ANKRD24: variants seen among roughly 807,000 people sequenced by gnomAD.
ANKRD24 encodes the protein ankyrin repeat domain 24, also known as ankyrin repeat domain-containing protein 24.
ANKRD24 carries 109 observed loss-of-function variants against 127.8 expected under a neutral mutation model. The observed-to-expected ratio is 0.85, with a 90% CI of 0.73 to 1.00. ANKRD24 has a LOEUF of 1.00. ANKRD24 is among the 50% of genes least tolerant of loss of function. The pLI, the probability that ANKRD24 is intolerant of heterozygous loss-of-function variation, is 0.00. For missense variants in ANKRD24, 1,648 were observed against 1,570.2 expected (o/e 1.05, Z -0.84); for synonymous variants, 743 against 671.1 (o/e 1.11, Z -1.66).
chr19:4,190,148 T>C (rs1006884978), intron 2 of ANKRD24, among the ~76,000 whole-genome samples: 9 of 152,048 alleles, frequency 5.9e-5, no homozygotes, highest in Admixed American at 6.6e-5. Flanking sequence ...CAAAAATCCA[T>C]GTATAGGCTG....
At chr19:4,222,933 A>G in intron 20 of ANKRD24, 138 bp downstream of exon 20, 1 of 1,015,290 alleles carries the variant, frequency 9.8e-7, no homozygotes, top group Non-Finnish European at 1.3e-6. Context: ...CATGCACGGC[A>G]TGGCCAGGAA....
At chr19:4,193,850 A>AGGAAGGAAGGAAGGAAGGAG (rs758667487) in intron 2 of ANKRD24, among the ~76,000 whole-genome samples, 7 of 38,382 alleles carry the variant, frequency 1.8e-4, no homozygotes, top group African/African-American at 4.1e-4. Flanking sequence ...GGAGGGAGGA[A>AGGAAGGAAGGAAGGAAGGAG]GGAAGGAAGG....
At chr19:4,220,302 C>G (rs1209305456) in intron 19 of ANKRD24, among the ~76,000 whole-genome samples, 2 of 152,120 alleles carry the variant, frequency 1.3e-5, no homozygotes, top group African/African-American at 4.8e-5. Context: ...GTGCTTACTG[C>G]ATGCCAGGCC....
At position 4,216,604 on chromosome 19, in the gene ANKRD24, G is replaced by C. The variant is rs1422315943; in HGVS notation, c.1444G>C (p.Glu482Gln). 1.9e-6 allele frequency: 3 copies of C among 1,611,922 alleles called. No homozygotes were observed. In the Admixed American group the frequency reaches 5.0e-5, roughly 27 times the overall value. The change falls in exon 18 of 22, where the codon GAG (glutamate) becomes CAG (glutamine). Residue 482 changes from glutamate (E) to glutamine (Q), a missense_variant. By Grantham distance (29) the Glu-to-Gln change is conservative (BLOSUM62 2). Transcript: ENST00000318934. ...ACAGATGGAAGTGGAAGCTTTGGCA[G>C]AGGTCATCCCTCTTGCCCTCTATGA... Reference protein sequence around the residue: ...ETQMEVEALAEVIPLALYDSL... With the variant: ...ETQMEVEALAQVIPLALYDSL...
At chr19:4,184,948 G>A (rs528868504) in intron 1 of ANKRD24, among the ~76,000 whole-genome samples, 66 of 130,710 alleles carry the variant, frequency 5.0e-4, no homozygotes, top group African/African-American at 2.2e-3. Flanking sequence ...GGATGGACTG[G>A]TGGGTGGGTG....
chr19:4,210,020 G>C (rs67953324), intron 11 of ANKRD24, 38 bp from the exon 12 acceptor site: 2 of 1,337,942 alleles, frequency 1.5e-6, no homozygotes, highest in Non-Finnish European at 2.1e-6. Context: ...ATGGCCCCCC[G>C]ATCGGCCCCC....
At chr19:4,204,705 C>T (rs1219321181) in intron 7 of ANKRD24, among the ~76,000 whole-genome samples, 1 of 152,196 alleles carries the variant, frequency 6.6e-6, no homozygotes, top group African/African-American at 2.4e-5. Context: ...TCTGTTCTTT[C>T]GGAAACTCAG....
chr19:4,210,148 G>A lies in ANKRD24; in HGVS notation c.951+10G>A. The A allele has an allele frequency of 6.2e-7, 1 of 1,602,180 alleles. No individual in the cohort carries two copies. Among genetic ancestry groups the A allele is most frequent in the South Asian group, 1.1e-5 (1 of 88,986 alleles). On this transcript the variant is annotated intron_variant, in intron 12 of 21. Transcript: ENST00000318934. The stretch of plus-strand genomic sequence containing the variant: ...CAGCATTCCCATGCCGGTGAGAGAT[G>A]CTCTGGGCACGGGAGGAGGCATGGG...
chr19:4,210,127 A>G lies in ANKRD24; in HGVS notation c.940A>G (p.Ile314Val), dbSNP rs572620866. The change falls in exon 12 of 22, where the codon ATT (isoleucine) becomes GTT (valine). Residue 314 changes from isoleucine (I) to valine (V), a missense_variant. Transcript: ENST00000318934. ...GAAGGCGCCTCCACCTCCCGCCAGC[A>G]TTCCCATGCCGGTGAGAGATGCTCT... Reference protein sequence around the residue: ...KRKAPPPPASIPMPDDRDAYE... With the variant: ...KRKAPPPPASVPMPDDRDAYE... The G allele has an allele frequency of 6.2e-7, 1 of 1,609,746 alleles. No individual in the cohort carries two copies. The highest frequency in any genetic ancestry group is 2.2e-5 in the East Asian group (1 of 44,762).
At chr19:4,187,153 C>T (rs1968111181) in intron 2 of ANKRD24, among the ~76,000 whole-genome samples, 2 of 151,740 alleles carry the variant, frequency 1.3e-5, no homozygotes, top group Non-Finnish European at 2.9e-5. Context: ...TGGCTCACAC[C>T]TGTAATCCCA....
At chr19:4,191,948 AT>A (rs11380933) in intron 2 of ANKRD24, among the ~76,000 whole-genome samples, 1 of 145,160 alleles carries the variant, frequency 6.9e-6, no homozygotes. Flanking sequence ...CGTCTAGCTA[AT>A]TTTTTTTTTT....
In ANKRD24 at chr19:4,198,418, C is replaced by T. The variant is rs1363250589; in HGVS notation, c.37-1265C>T. 2 of 495,492 alleles carry T rather than the reference C, an allele frequency of 4.0e-6. No homozygotes were observed. The highest frequency in any genetic ancestry group is 7.2e-6 in the Non-Finnish European group (2 of 278,588). The allele number at this position is 495,492 out of a possible 1,614,324, so 30.7% of individuals were successfully genotyped here. On this transcript the variant is annotated intron_variant, in intron 2 of 21. Coordinates refer to ENST00000318934, the MANE Select transcript of ANKRD24 (RefSeq NM_001393985.1). The surrounding 1 kb of genome is among the most constrained non-coding windows in gnomAD (Gnocchi z 6.1). The stretch of plus-strand genomic sequence containing the variant: ...AGCCCCGCCCTCCGGCCGCTCCCCG[C>T]GGTCCCTCCAGACCCTCTGGCCGCC...
chr19:4,224,758 CCT>C lies in ANKRD24; in HGVS notation c.*254_*255del, dbSNP rs1970648407. 1 of 543,406 alleles carries C rather than the reference CCT, an allele frequency of 1.8e-6. No homozygotes were observed. Among genetic ancestry groups the C allele is most frequent in the Admixed American group, 3.2e-5 (1 of 31,696 alleles). The allele number at this position is 543,406 out of a possible 1,614,324, so 33.7% of individuals were successfully genotyped here. A position where few individuals can be genotyped will look rare whatever the true frequency, so the allele number is the denominator to read the frequency against. Reference sequence around the variant, plus strand: ...CCCCCACCACCGGAGACTGTGATTCCCTGTGTCCTCCACATCCAGACGCCAGC... The same window carrying C: ...CCCCCACCACCGGAGACTGTGATTCCGTGTCCTCCACATCCAGACGCCAGC... On this transcript the variant is annotated 3_prime_UTR_variant, in exon 22 of 22. Coordinates refer to ENST00000318934, the MANE Select transcript of ANKRD24 (RefSeq NM_001393985.1).
chr19:4,206,443 C>T (rs1176768239), intron 7 of ANKRD24, among the ~76,000 whole-genome samples: 3 of 151,544 alleles, frequency 2.0e-5, no homozygotes, highest in African/African-American at 7.2e-5. Flanking sequence ...TAGCAAGACC[C>T]TGTCTCTAAA....
chr19:4,199,742 G>A lies in ANKRD24; in HGVS notation c.96G>A (p.Pro32=), dbSNP rs541802287. 3.9e-6 allele frequency: 6 copies of A among 1,537,946 alleles called. No individual in the cohort carries two copies. The highest frequency in any genetic ancestry group is 2.7e-5 in the African/African-American group (2 of 73,030). ...CGCCCTGCGGCCCCTGCCCCATCCCGAAGCCGGCAGCCAGAGGCAGGCGCC... is the reference window on the plus strand; with the variant it reads ...CGCCCTGCGGCCCCTGCCCCATCCCAAAGCCGGCAGCCAGAGGCAGGCGCC... ...SCPPCGPCPI[P]KPAARGRRQS... Residue 32 remains proline, a synonymous_variant, in exon 3 of 22, where the codon CCG becomes CCA. Transcript: ENST00000318934. This position sits in a 1 kb window ranked among gnomAD's most constrained non-coding sequence, Gnocchi z 5.2.
In ANKRD24 at chr19:4,198,487, G is replaced by T. The variant is rs142917916; in HGVS notation, c.37-1196G>T. 1 of 621,804 alleles carries T rather than the reference G, an allele frequency of 1.6e-6. No individual in the cohort carries two copies. Among genetic ancestry groups the T allele is most frequent in the Non-Finnish European group, 2.9e-6 (1 of 345,428 alleles). 38.5% of individuals were successfully genotyped at this position (621,804 alleles called of 1,614,324 possible). ...GTGCGCCCCCCGCGCCCCGCGCCCCGGACGCCATGAAGCAGCTGTGTCTGT... is the reference window on the plus strand; with the variant it reads ...GTGCGCCCCCCGCGCCCCGCGCCCCTGACGCCATGAAGCAGCTGTGTCTGT... On this transcript the variant is annotated intron_variant, in intron 2 of 21. Coordinates refer to ENST00000318934, the MANE Select transcript of ANKRD24 (RefSeq NM_001393985.1). This position sits in a 1 kb window ranked among gnomAD's most constrained non-coding sequence, Gnocchi z 6.1.
chr19:4,216,872 CCATGGAAG>C lies in ANKRD24; in HGVS notation c.1714_1721del (p.Met572GlnfsTer6). On this transcript the variant is annotated frameshift_variant, in exon 18 of 22. Coordinates refer to ENST00000318934, the MANE Select transcript of ANKRD24 (RefSeq NM_001393985.1). LOFTEE classifies it high-confidence loss of function. ...GATGAGGAGGCTGCAGGAGATGAAA[CCATGGAAG>C]CCAGGACTATGGAAGCTGAGGCCAC... The C allele has an allele frequency of 6.2e-7, 1 of 1,611,502 alleles. No homozygotes were observed. The highest frequency in any genetic ancestry group is 8.5e-7 in the Non-Finnish European group (1 of 1,178,994).
chr19:4,207,572 A>G lies in ANKRD24; in HGVS notation c.609A>G (p.Gln203=), dbSNP rs1284545246. ...HTDLCRLLLQ[Q]GAAANDQDLQ... is the part of the protein sequence containing the mutation. ...ACCTGTGCCGTCTCCTACTGCAGCA[A>G]GGGGCTGCCGCGAACGATCAGGACC... Residue 203 remains glutamine (Q), a synonymous_variant, in exon 9 of 22, where the codon CAA becomes CAG. Transcript: ENST00000318934. 7 of 1,613,908 alleles carry G rather than the reference A, an allele frequency of 4.3e-6. No homozygotes were observed. The highest frequency in any genetic ancestry group is 5.1e-6 in the Non-Finnish European group (6 of 1,179,892).
intron 7 of ANKRD24, among the ~76,000 whole-genome samples, chr19:4,205,071 A>G (rs1969309689): frequency 6.6e-6 from 1 of 152,216 alleles, no homozygotes; most frequent in African/African-American, 2.4e-5. Flanking sequence ...CCCTGTCTCT[A>G]CTAAACAATG....
Sources: gnomAD v4.1 joint callset for allele counts (sites outside exome capture counted in the v4.1 genomes callset) on GRCh38, gnomAD v4.1.1 for gene constraint, Gnocchi (gnomAD v3.1) non-coding constraint, MANE v1.5 for transcripts, NCBI Gene and HGNC (gene_info 2026-07-23, HGNC 2026-07-21) for gene names.